The following CORIN variants were observed in gnomAD, a reference collection of about 807,000 sequenced individuals.
CORIN encodes the protein corin, serine peptidase, also known as atrial natriuretic peptide-converting enzyme.
Under a neutral mutation model 125.3 loss-of-function variants are expected in CORIN, and 117 were observed. That is an observed-to-expected ratio of 0.93 (90% CI 0.80 to 1.09). The LOEUF is 1.09. CORIN is among the 50% of genes least tolerant of loss of function. CORIN has a pLI of 0.00. For synonymous variants in CORIN, 450 were observed against 466.4 expected, an observed-to-expected ratio of 0.96 and a Z score of 0.45; for missense variants, 1,253 against 1,306.7, an observed-to-expected ratio of 0.96 and a Z score of 0.63.
chr4:47,768,060 C>A (rs543785796), intron 3 of CORIN, among the ~76,000 whole-genome samples: 1 of 152,278 alleles, frequency 6.6e-6, no homozygotes, highest in East Asian at 1.9e-4. Flanking sequence ...ATGACATTAC[C>A]TTTGAAATTC....
chr4:47,704,177 C>T, intron 5 of CORIN, among the ~76,000 whole-genome samples: 1 of 152,102 alleles, frequency 6.6e-6, no homozygotes, highest in Non-Finnish European at 1.5e-5. Context: ...TCCCTAGTTA[C>T]CAGGATTGCA....
chr4:47,621,509 G>C (rs1026144440), intron 19 of CORIN, among the ~76,000 whole-genome samples: 2 of 152,136 alleles, frequency 1.3e-5, no homozygotes, highest in Non-Finnish European at 2.9e-5. Context: ...CTGAGTTTTT[G>C]TTTGTTGTTA....
chr4:47,647,057 C>T (rs968795524), intron 13 of CORIN, among the ~76,000 whole-genome samples: 1 of 152,000 alleles, frequency 6.6e-6, no homozygotes, highest in Admixed American at 6.6e-5. Flanking sequence ...GCTGATAATC[C>T]GGGGGGGTCT....
At chr4:47,757,218 A>AT (rs751532320) in intron 4 of CORIN, among the ~76,000 whole-genome samples, 8 of 152,140 alleles carry the variant, frequency 5.3e-5, no homozygotes, top group Non-Finnish European at 1.0e-4. Context: ...TGCTTATTAA[A>AT]TTTAGCTTGC....
chr4:47,628,075 A>T (rs1266450779), intron 16 of CORIN, among the ~76,000 whole-genome samples: 1 of 152,202 alleles, frequency 6.6e-6, no homozygotes, highest in Non-Finnish European at 1.5e-5. Context: ...TAAGTGGAAA[A>T]TTTAAGAAAT....
intron 7 of CORIN, chr4:47,682,727 A>G (rs1253885207): frequency 6.6e-6 from 1 of 152,234 alleles, no homozygotes; most frequent in Admixed American, 6.5e-5. Context: ...TTCAATAAAT[A>G]TGTACAACTA....
intron 16 of CORIN, among the ~76,000 whole-genome samples, chr4:47,628,293 T>A (rs4522838): frequency 6.6e-6 from 1 of 151,834 alleles, no homozygotes; most frequent in Non-Finnish European, 1.5e-5. Context: ...TTTCCCTTTC[T>A]TTTTTTTCCA....
intron 1 of CORIN, among the ~76,000 whole-genome samples, chr4:47,830,663 C>A (rs1369427883): frequency 6.6e-6 from 1 of 152,194 alleles, no homozygotes; most frequent in East Asian, 1.9e-4. Flanking sequence ...TACATTAAAG[C>A]TATTTAGGTC....
intron 15 of CORIN, among the ~76,000 whole-genome samples, chr4:47,642,587 T>C (rs1471552515): frequency 6.6e-6 from 1 of 152,224 alleles, no homozygotes; most frequent in East Asian, 1.9e-4. Context: ...TTTGGCTGGA[T>C]GATGCAAAGG....
At chr4:47,735,386 GA>G (rs1383721855) in intron 5 of CORIN, among the ~76,000 whole-genome samples, 2 of 151,980 alleles carry the variant, frequency 1.3e-5, no homozygotes, top group Non-Finnish European at 2.9e-5. Context: ...ATCTCTACAT[GA>G]AAAAAATATT....
At chr4:47,627,348 ACT>A (rs1357836031) in intron 16 of CORIN, among the ~76,000 whole-genome samples, 2 of 152,078 alleles carry the variant, frequency 1.3e-5, no homozygotes, top group Non-Finnish European at 2.9e-5. Context: ...ACTTCCCCTA[ACT>A]CATACTTTTA....
intron 11 of CORIN, among the ~76,000 whole-genome samples, chr4:47,664,300 G>T (rs1422715429): frequency 3.3e-5 from 5 of 152,150 alleles, no homozygotes; most frequent in Non-Finnish European, 2.9e-5. Flanking sequence ...TCCATTCAGG[G>T]TTCATTACAA....
chr4:47,692,957 G>C lies in CORIN; in HGVS notation c.913+13C>G, dbSNP rs564008123. The C allele has an allele frequency of 1.3e-5, 21 of 1,591,160 alleles. 1 individual carries two copies. In the South Asian group the frequency reaches 2.2e-4, roughly 17 times the overall value. ...TGTCCACTCAGACAAACCCTAAACA[G>C]CTTGTCACATACTGCAATGAGCCTC... On this transcript the variant is annotated intron_variant, in intron 6 of 21. Transcript: ENST00000273857.
Position 47,665,210 on chromosome 4 carries a change from T to G in CORIN, c.1411A>C (p.Thr471Pro), listed in dbSNP as rs1263714992. 6.2e-7 allele frequency: 1 copy of G among 1,614,050 alleles called. No homozygotes were observed. The highest frequency in any genetic ancestry group is 1.3e-5 in the African/African-American group (1 of 75,046). ...TGGCCAAAATAATTTGGATAACTTG[T>G]ACTGTTGTAGGGCAAATTCATGCAG... is the stretch of plus-strand genomic sequence containing the variant. ...ELCMNLPYNS[T>P]SYPNYFGHRT... The change falls in exon 11 of 22, where the codon ACA (threonine) becomes CCA (proline). Residue 471 changes from threonine to proline, a missense_variant. Coordinates refer to ENST00000273857, the MANE Select transcript of CORIN (RefSeq NM_006587.4).
At chr4:47,817,298 AT>A (rs1182288440) in intron 1 of CORIN, among the ~76,000 whole-genome samples, 8 of 25,416 alleles carry the variant, frequency 3.1e-4, no homozygotes, top group African/African-American at 2.2e-3. Flanking sequence ...ATAACAAAAT[AT>A]ATATATATAT....
chr4:47,702,493 C>A (rs1726347777), intron 5 of CORIN, among the ~76,000 whole-genome samples: 2 of 152,074 alleles, frequency 1.3e-5, no homozygotes, highest in East Asian at 1.9e-4. Context: ...AAAGAAAAAT[C>A]ATCAGTTTGA....
intron 20 of CORIN, among the ~76,000 whole-genome samples, chr4:47,601,382 G>T (rs1404842925): frequency 6.7e-6 from 1 of 150,146 alleles, no homozygotes; most frequent in Non-Finnish European, 1.5e-5. Context: ...CTTGCTTACT[G>T]CAGCCTCCAC....
intron 5 of CORIN, among the ~76,000 whole-genome samples, chr4:47,734,492 T>C (rs951522789): frequency 2.4e-4 from 36 of 152,370 alleles, no homozygotes; most frequent in Admixed American, 2.4e-3. Flanking sequence ...GACTTCACTC[T>C]ATTCCATTGA....
At chr4:47,787,354 G>A (rs948573395) in intron 2 of CORIN, among the ~76,000 whole-genome samples, 1 of 152,086 alleles carries the variant, frequency 6.6e-6, no homozygotes, top group Non-Finnish European at 1.5e-5. Flanking sequence ...CAGGACATGT[G>A]CTCTACCTCT....
Sources: gnomAD v4.1 joint callset for allele counts (sites outside exome capture counted in the v4.1 genomes callset) on GRCh38, gnomAD v4.1.1 for gene constraint, MANE v1.5 for transcripts, NCBI Gene and HGNC (gene_info 2026-07-23, HGNC 2026-07-21) for gene names.